OPRM1: variants seen among roughly 807,000 people sequenced by gnomAD.
OPRM1 encodes opioid receptor mu 1.
OPRM1 carries 27 observed loss-of-function variants against 31.8 expected under a neutral mutation model. The ratio of observed to expected loss-of-function variants is 0.85; its 90% CI spans 0.63 to 1.17. The LOEUF (loss-of-function observed/expected upper bound fraction) is 1.17. Among genes scored for constraint, OPRM1 ranks in the 50% most tolerant of loss-of-function variants. OPRM1 has a pLI of 0.00. For missense variants in OPRM1, 536 were observed against 511.1 expected, an observed-to-expected ratio of 1.05 and a Z score of -0.47; for synonymous variants, 196 against 189.9, an observed-to-expected ratio of 1.03 and a Z score of -0.26.
chr6:154,142,136 T>C (rs150168785), intron 3 of OPRM1, among the ~76,000 whole-genome samples: 115 of 53,192 alleles, frequency 2.2e-3, no homozygotes, highest in African/African-American at 6.8e-3. Flanking sequence ...TCTGCTGGGC[T>C]TGTGTTACAG....
chr6:154,041,800 G>A (rs1780120622), intron 1 of OPRM1, among the ~76,000 whole-genome samples: 1 of 152,146 alleles, frequency 6.6e-6, no homozygotes, highest in South Asian at 2.1e-4. Flanking sequence ...AAGCATCTAG[G>A]AATCCTGCCA....
At chr6:154,092,463 T>C (rs1234351919) in intron 3 of OPRM1, among the ~76,000 whole-genome samples, 1 of 152,182 alleles carries the variant, frequency 6.6e-6, no homozygotes, top group East Asian at 1.9e-4. Flanking sequence ...AAACTTCCTA[T>C]GAAGTAAAGG....
chr6:154,229,352 T>TC (rs1779525294), intron 3 of OPRM1, among the ~76,000 whole-genome samples: 1 of 147,172 alleles, frequency 6.8e-6, no homozygotes, highest in African/African-American at 2.5e-5. Context: ...GCCGGTTTTT[T>TC]TTTTTTTTTT....
chr6:154,046,005 A>G (rs2128406801), intron 1 of OPRM1, among the ~76,000 whole-genome samples: 1 of 152,338 alleles, frequency 6.6e-6, no homozygotes. Context: ...CTTGCCAAGC[A>G]ACCACTTTTC....
intron 3 of OPRM1, among the ~76,000 whole-genome samples, chr6:154,209,648 A>C (rs893084884): frequency 5.3e-5 from 8 of 151,728 alleles, no homozygotes; most frequent in Non-Finnish European, 8.8e-5. Flanking sequence ...TGTCTCAAAA[A>C]AAAAAAAAAA....
At chr6:154,180,753 CA>C (rs1800803936) in intron 3 of OPRM1, among the ~76,000 whole-genome samples, 1 of 152,058 alleles carries the variant, frequency 6.6e-6, no homozygotes, top group Non-Finnish European at 1.5e-5. Context: ...ATGCTGGATT[CA>C]GAAGACAGGA....
chr6:154,239,783 A>C (rs1289800659), intron 3 of OPRM1, among the ~76,000 whole-genome samples: 1 of 152,174 alleles, frequency 6.6e-6, no homozygotes, highest in Non-Finnish European at 1.5e-5. Context: ...GGCTAACTGC[A>C]ACCTCCGCCT....
At chr6:154,067,483 AT>A (rs139435580) in intron 1 of OPRM1, among the ~76,000 whole-genome samples, 35 of 151,434 alleles carry the variant, frequency 2.3e-4, no homozygotes, top group Non-Finnish European at 3.0e-4. Flanking sequence ...TATGTTATTG[AT>A]TTTTTTTAAT....
At chr6:154,144,739 ACT>A (rs1197682001) in intron 3 of OPRM1, among the ~76,000 whole-genome samples, 86 of 121,402 alleles carry the variant, frequency 7.1e-4, no homozygotes, top group Non-Finnish European at 9.9e-4. Flanking sequence ...CAAGAGCGAG[ACT>A]CTGTCTCAAA....
chr6:154,039,269 A>G lies in OPRM1; in HGVS notation c.-276A>G, dbSNP rs1779528860. ...CTCCCTTCCAGCCTCCGAATCCCGC[A>G]TGGCCCACGCTCCCCTCCTGCAGCG... On this transcript the variant is annotated 5_prime_UTR_variant, in exon 1 of 4. The change abolishes an upstream ATG in the 5' untranslated region. Coordinates refer to ENST00000330432, the MANE Select transcript of OPRM1 (RefSeq NM_000914.5). 3 of 1,551,522 alleles carry G rather than the reference A, an allele frequency of 1.9e-6. No homozygotes were observed. The highest frequency in any genetic ancestry group is 1.2e-5 in the South Asian group (1 of 84,034).
chr6:154,095,610 T>C (rs1000788186), intron 3 of OPRM1, among the ~76,000 whole-genome samples: 1 of 152,222 alleles, frequency 6.6e-6, no homozygotes, highest in African/African-American at 2.4e-5. Context: ...TTCTAACGCG[T>C]ACTTTTGATA....
intron 3 of OPRM1, among the ~76,000 whole-genome samples, chr6:154,238,852 T>C (rs1033860002): frequency 1.3e-5 from 2 of 151,982 alleles, no homozygotes; most frequent in Admixed American, 1.3e-4. Context: ...GGCCCTATTG[T>C]ATAATCTTTT....
intron 3 of OPRM1, among the ~76,000 whole-genome samples, chr6:154,198,245 C>A (rs1348586645): frequency 2.6e-5 from 4 of 152,176 alleles, no homozygotes; most frequent in Non-Finnish European, 5.9e-5. Context: ...CAATTCTGTG[C>A]TTCCAAGGAG....
chr6:154,225,263 G>T (rs982620878), intron 3 of OPRM1, among the ~76,000 whole-genome samples: 1 of 152,022 alleles, frequency 6.6e-6, no homozygotes, highest in Non-Finnish European at 1.5e-5. Flanking sequence ...ATGCTCAGAG[G>T]AATTGAAAAA....
At chr6:154,028,895 CT>C (rs1262164699) in intron 1 of OPRM1, among the ~76,000 whole-genome samples, 3 of 152,164 alleles carry the variant, frequency 2.0e-5, no homozygotes, top group Admixed American at 2.0e-4. Flanking sequence ...GCCTCTTTCT[CT>C]TTCAGTGATA....
intron 3 of OPRM1, among the ~76,000 whole-genome samples, chr6:154,114,157 A>G (rs1189276379): frequency 6.6e-6 from 1 of 152,180 alleles, no homozygotes; most frequent in Admixed American, 6.5e-5. Context: ...TGCATAGATA[A>G]GGCACGTATT....
At chr6:154,088,084 G>A (rs1230301670) in intron 1 of OPRM1, among the ~76,000 whole-genome samples, 9 of 142,728 alleles carry the variant, frequency 6.3e-5, no homozygotes, top group African/African-American at 2.2e-4. Flanking sequence ...TAGGTGAATG[G>A]ATTAAAAAAA....
chr6:154,028,638 T>C (rs1778836799), intron 1 of OPRM1, among the ~76,000 whole-genome samples: 1 of 152,232 alleles, frequency 6.6e-6, no homozygotes, highest in Admixed American at 6.5e-5. Flanking sequence ...TTCAGACCAC[T>C]GGGATTAGTG....
In OPRM1 at chr6:154,168,100, C is replaced by T. The variant is rs780017452; in HGVS notation, c.1164+76628C>T. The T allele has an allele frequency of 4.5e-6, 7 of 1,546,274 alleles. No individual in the cohort carries two copies. Among genetic ancestry groups the T allele is most frequent in the South Asian group, 1.2e-5 (1 of 80,664 alleles). ...GCTTCTCCATTTCATCATCTTCAGA[C>T]ACTTTTGTCTCTTCTATTTGAAAAA... On this transcript the variant is annotated intron_variant, in intron 3 of 3. Coordinates refer to the OPRM1 transcript ENST00000337049. This position sits in a 1 kb window ranked among gnomAD's most constrained non-coding sequence, Gnocchi z 4.1.
Sources: allele counts gnomAD v4.1 joint callset (sites outside exome capture counted in the v4.1 genomes callset), GRCh38; gene constraint gnomAD v4.1.1; non-coding constraint Gnocchi (gnomAD v3.1); transcripts MANE v1.5; gene names NCBI Gene and HGNC (gene_info 2026-07-23, HGNC 2026-07-21).